The following KDM4C variants were observed in gnomAD, a reference collection of about 807,000 sequenced individuals.
KDM4C encodes lysine demethylase 4C, also known as lysine-specific demethylase 4C.
Under a neutral mutation model 129.3 loss-of-function variants are expected in KDM4C, and 81 were observed. The observed-to-expected ratio is 0.63, with a 90% CI of 0.52 to 0.75. The LOEUF (loss-of-function observed/expected upper bound fraction) is 0.75. KDM4C is among the 30% of genes least tolerant of loss of function. The pLI is 0.00. For synonymous variants in KDM4C, 573 were observed against 456.1 expected (o/e 1.26, Z -3.26); for missense variants, 1,457 against 1,304.0 (o/e 1.12, Z -1.81).
At chr9:6,963,758 C>G (rs1234961290) in intron 8 of KDM4C, among the ~76,000 whole-genome samples, 1 of 152,162 alleles carries the variant, frequency 6.6e-6, no homozygotes, top group Non-Finnish European at 1.5e-5. Context: ...ATTTTCCTGC[C>G]TCTCAGTCTT....
intron 19 of KDM4C, among the ~76,000 whole-genome samples, chr9:7,129,798 C>T (rs1840419398): frequency 6.6e-6 from 1 of 152,082 alleles, no homozygotes; most frequent in Admixed American, 6.5e-5. Context: ...AGGCACTGCT[C>T]CAAGAACTGG....
chr9:6,839,077 G>C (rs1399911727), intron 4 of KDM4C, among the ~76,000 whole-genome samples: 1 of 152,128 alleles, frequency 6.6e-6, no homozygotes, highest in African/African-American at 2.4e-5. Context: ...TGAATTTGTG[G>C]CAGTATTTTA....
intron 18 of KDM4C, among the ~76,000 whole-genome samples, chr9:7,108,807 T>C (rs1442566898): frequency 6.6e-6 from 1 of 152,192 alleles, no homozygotes; most frequent in Non-Finnish European, 1.5e-5. Flanking sequence ...TGTTTGAGGC[T>C]CCCAAATTCT....
chr9:7,131,396 G>A (rs1037932007), intron 19 of KDM4C, among the ~76,000 whole-genome samples: 4 of 152,028 alleles, frequency 2.6e-5, no homozygotes, highest in Non-Finnish European at 5.9e-5. Flanking sequence ...TATTAGGCAG[G>A]GTTCTCCAGA....
intron 5 of KDM4C, among the ~76,000 whole-genome samples, chr9:6,879,447 G>C (rs1254486726): frequency 6.6e-6 from 1 of 152,032 alleles, no homozygotes; most frequent in African/African-American, 2.4e-5. Flanking sequence ...TTTTTTTAAG[G>C]CTGATAATCT....
chr9:7,045,165 G>A (rs1326372318), intron 15 of KDM4C, among the ~76,000 whole-genome samples: 1 of 152,020 alleles, frequency 6.6e-6, no homozygotes, highest in Non-Finnish European at 1.5e-5. Flanking sequence ...TAGAACATGT[G>A]TACCTGTTAA....
chr9:6,971,336 G>T (rs957808949), intron 8 of KDM4C, among the ~76,000 whole-genome samples: 2 of 152,142 alleles, frequency 1.3e-5, no homozygotes, highest in Non-Finnish European at 2.9e-5. Context: ...ATTTATTCCA[G>T]TTTGGATTTA....
chr9:7,165,022 A>G (rs1000138061), intron 19 of KDM4C, among the ~76,000 whole-genome samples: 6 of 152,102 alleles, frequency 3.9e-5, no homozygotes, highest in African/African-American at 1.4e-4. Context: ...TTCTGCTTGG[A>G]TTATGGTGGC....
chr9:6,739,129 G>A (rs1356809522), intron 1 of KDM4C, among the ~76,000 whole-genome samples: 10 of 152,096 alleles, frequency 6.6e-5, no homozygotes, highest in Admixed American at 6.6e-4. Context: ...TTGGAGTGCA[G>A]TGGTGAAATC....
chr9:6,744,847 G>A (rs970665221), intron 1 of KDM4C, among the ~76,000 whole-genome samples: 15 of 151,590 alleles, frequency 9.9e-5, no homozygotes, highest in African/African-American at 3.6e-4. Context: ...AGGCACCAGG[G>A]CAAGGTGGGG....
rs973923500 is a variant in KDM4C at position 7,048,964 on chromosome 9, T to G, written c.2316-128T>G. 9.4e-5 allele frequency: 58 copies of G among 615,976 alleles called. 1 individual carries two copies. Among genetic ancestry groups the G allele is most frequent in the Non-Finnish European group, 1.7e-5 (6 of 344,086 alleles). 38.2% of individuals were successfully genotyped at this position (615,976 alleles called of 1,614,324 possible). On this transcript the variant is annotated intron_variant, in intron 16 of 21. Coordinates refer to ENST00000381309, the MANE Select transcript of KDM4C (RefSeq NM_015061.6). The stretch of plus-strand genomic sequence containing the variant: ...AGGTTTACAGTTCAGAATCTGTTTG[T>G]GATGGATTTAGGCTTTTGGCTTTCT...
intron 5 of KDM4C, among the ~76,000 whole-genome samples, chr9:6,851,756 ATGT>A (rs1314808454): frequency 6.6e-6 from 1 of 152,184 alleles, no homozygotes. Context: ...GAACAGGTTG[ATGT>A]TGTCTCCTAA....
At chr9:7,120,196 T>C (rs1323201842) in intron 18 of KDM4C, among the ~76,000 whole-genome samples, 1 of 152,194 alleles carries the variant, frequency 6.6e-6, no homozygotes, top group Non-Finnish European at 1.5e-5. Context: ...ATGCTAACTT[T>C]AAATTTTTTT....
chr9:7,001,038 G>A (rs1270379058), intron 12 of KDM4C, among the ~76,000 whole-genome samples: 1 of 152,182 alleles, frequency 6.6e-6, no homozygotes, highest in Non-Finnish European at 1.5e-5. Context: ...ACATGTCCAA[G>A]ACTTCCAGCT....
At chr9:6,860,492 A>G (rs1300458003) in intron 5 of KDM4C, among the ~76,000 whole-genome samples, 3 of 152,244 alleles carry the variant, frequency 2.0e-5, no homozygotes, top group African/African-American at 7.2e-5. Context: ...CTAACCTATC[A>G]GATAAATAAC....
intron 18 of KDM4C, among the ~76,000 whole-genome samples, chr9:7,116,048 A>C (rs1367985426): frequency 6.6e-6 from 1 of 152,202 alleles, no homozygotes; most frequent in Non-Finnish European, 1.5e-5. Flanking sequence ...AAGAAACGTA[A>C]GAAATTCCTG....
At chr9:6,885,863 A>G (rs923909665) in intron 6 of KDM4C, among the ~76,000 whole-genome samples, 2 of 152,240 alleles carry the variant, frequency 1.3e-5, no homozygotes, top group East Asian at 1.9e-4. Flanking sequence ...AATTCTTAAT[A>G]TACTGCAAAT....
chr9:6,964,954 GA>G (rs796243081), intron 8 of KDM4C, among the ~76,000 whole-genome samples: 46 of 143,866 alleles, frequency 3.2e-4, no homozygotes, highest in Middle Eastern at 3.5e-3. Flanking sequence ...ACTTCGTCGG[GA>G]AAAAAAAAAA....
chr9:6,752,505 G>C (rs1214221147), intron 1 of KDM4C, among the ~76,000 whole-genome samples: 4 of 150,278 alleles, frequency 2.7e-5, no homozygotes, highest in Non-Finnish European at 5.9e-5. Flanking sequence ...CCGCCTCCTG[G>C]GTTCAAGCGA....
Sources: gnomAD v4.1 joint callset for allele counts (sites outside exome capture counted in the v4.1 genomes callset) on GRCh38, gnomAD v4.1.1 for gene constraint, MANE v1.5 for transcripts, NCBI Gene and HGNC (gene_info 2026-07-23, HGNC 2026-07-21) for gene names.